PCDHA2: variants seen among roughly 807,000 people sequenced by gnomAD.
PCDHA2 encodes protocadherin alpha 2.
In PCDHA2, 58 loss-of-function variants were observed where a neutral mutation model predicts 66.0. The observed-to-expected ratio is 0.88, with a 90% CI of 0.71 to 1.09. The LOEUF is 1.09. PCDHA2 is among the 50% of genes least tolerant of loss of function. PCDHA2 has a pLI of 0.00. For missense variants in PCDHA2, 1,267 were observed against 1,242.3 expected (o/e 1.02, Z -0.30); for synonymous variants, 634 against 554.0 (o/e 1.14, Z -2.03).
chr5:140,807,140 G>C (rs1763848896), intron 1 of PCDHA2: 1 of 1,569,662 alleles, frequency 6.4e-7, no homozygotes. Context: ...GATTTCCCTT[G>C]ACTTTGAGAA....
At chr5:140,969,221 C>A (rs1222433541) in intron 1 of PCDHA2, 1 of 1,614,040 alleles carries the variant, frequency 6.2e-7, no homozygotes, top group African/African-American at 1.3e-5. Context: ...AGGACCAGGG[C>A]CTTCGGGAGC....
chr5:140,843,374 G>A (rs1778834369), intron 1 of PCDHA2: 1 of 1,596,014 alleles, frequency 6.3e-7, no homozygotes, highest in Non-Finnish European at 8.6e-7. Context: ...GCAGTCGGCT[G>A]GCGTTTTGGG....
intron 1 of PCDHA2, chr5:140,822,177 A>C: frequency 1.2e-6 from 2 of 1,614,280 alleles, no homozygotes; most frequent in Non-Finnish European, 1.7e-6. Flanking sequence ...GGTTCTCCAG[A>C]CAAGAACAAA....
At chr5:140,806,495 C>T (rs375920717) in intron 1 of PCDHA2, among the ~76,000 whole-genome samples, 1 of 152,288 alleles carries the variant, frequency 6.6e-6, no homozygotes, top group East Asian at 1.9e-4. Context: ...TGACATGACT[C>T]AAGGAAGACA....
At chr5:140,884,812 G>C in intron 1 of PCDHA2, 2 of 1,117,104 alleles carry the variant, frequency 1.8e-6, no homozygotes, top group Non-Finnish European at 2.5e-6. Flanking sequence ...ACTCTGCTGT[G>C]GACATTATGT....
intron 3 of PCDHA2, among the ~76,000 whole-genome samples, chr5:141,003,410 C>T (rs1282162216): frequency 1.3e-5 from 2 of 152,110 alleles, no homozygotes; most frequent in Non-Finnish European, 2.9e-5. Flanking sequence ...CTCCCGGGTT[C>T]GAGTGATTCT....
At chr5:140,804,528 T>A (rs1367585141) in intron 1 of PCDHA2, 1 of 152,180 alleles carries the variant, frequency 6.6e-6, no homozygotes, top group African/African-American at 2.4e-5. Context: ...CTAGCAAAAC[T>A]TTTTATTCAT....
In PCDHA2 at chr5:140,877,407, C is replaced by G. The variant is rs1554169686; in HGVS notation, c.2388+80055C>G. The G allele has an allele frequency of 1.2e-6, 2 of 1,613,824 alleles. No individual in the cohort carries two copies. The highest frequency in any genetic ancestry group is 2.7e-5 in the African/African-American group (2 of 74,928). On this transcript the variant is annotated intron_variant, in intron 1 of 3. Coordinates refer to ENST00000526136, the MANE Select transcript of PCDHA2 (RefSeq NM_018905.3). ...TGGATGAGGCGGACGCTCCGCGCCA[C>G]CGCCTGCTGGTGCTGGTGAAGGACC...
chr5:140,926,683 C>A, intron 1 of PCDHA2: 3 of 669,314 alleles, frequency 4.5e-6, no homozygotes, highest in Non-Finnish European at 6.7e-6. Context: ...AGCCTCCAGC[C>A]TAGCAAGCCC....
chr5:140,961,343 T>C (rs2095605708), intron 1 of PCDHA2, among the ~76,000 whole-genome samples: 1 of 152,210 alleles, frequency 6.6e-6, no homozygotes, highest in South Asian at 2.1e-4. Flanking sequence ...CAAGAGTGGA[T>C]CCCTGTAGTC....
At chr5:140,944,724 C>G (rs246064) in intron 1 of PCDHA2, among the ~76,000 whole-genome samples, 85,713 of 151,920 alleles carry the variant, frequency 0.56, 24,798 homozygotes, top group African/African-American at 0.69. Flanking sequence ...CTTTGAACAC[C>G]TTAGTAAGTC....
intron 1 of PCDHA2, chr5:140,882,766 G>T: frequency 1.2e-6 from 2 of 1,614,184 alleles, no homozygotes; most frequent in South Asian, 2.2e-5. Context: ...GAGTAAACTC[G>T]GCATTGACCT....
intron 1 of PCDHA2, chr5:140,801,053 G>A (rs1762630152): frequency 8.3e-6 from 12 of 1,443,786 alleles, no homozygotes; most frequent in Non-Finnish European, 1.1e-5. Context: ...AAATAACAGC[G>A]TGCATTACGT....
intron 1 of PCDHA2, chr5:140,969,039 A>G: frequency 6.2e-7 from 1 of 1,614,130 alleles, no homozygotes; most frequent in Non-Finnish European, 8.5e-7. Context: ...GAACTGTACA[A>G]ACAAGCCAAC....
chr5:140,822,637 G>A (rs2150118017), intron 1 of PCDHA2: 2 of 1,610,588 alleles, frequency 1.2e-6, no homozygotes, highest in Non-Finnish European at 1.7e-6. Flanking sequence ...TCTTGACGAT[G>A]TAAAGTCCAA....
At chr5:140,952,160 G>A (rs952147312) in intron 1 of PCDHA2, among the ~76,000 whole-genome samples, 1 of 152,044 alleles carries the variant, frequency 6.6e-6, no homozygotes, top group Non-Finnish European at 1.5e-5. Context: ...GGCTTTGTGG[G>A]GTTCAGTTCC....
Position 140,934,368 on chromosome 5 carries a change from CCTT to C in PCDHA2, c.2389-44578_2389-44576del, listed in dbSNP as rs1168343483. Among the ~76,000 whole-genome samples, 5 of 152,220 alleles carry C rather than the reference CCTT, an allele frequency of 3.3e-5. No homozygotes were observed. In the South Asian group the frequency reaches 1.0e-3, roughly 32 times the overall value. On this transcript the variant is annotated intron_variant, in intron 1 of 3. Transcript: ENST00000526136. ...ACAGTGTGGAGCCACTGCTTTGACT[CCTT>C]CTGTGGTTCTATGGTGGCCAGCTTT...
intron 1 of PCDHA2, chr5:140,809,161 G>A (rs782214418): frequency 2.5e-6 from 4 of 1,613,952 alleles, no homozygotes; most frequent in African/African-American, 1.3e-5. Flanking sequence ...GCGAGCCCGC[G>A]CTGACGGCCA....
At chr5:140,929,013 G>A in intron 1 of PCDHA2, 1 of 1,614,120 alleles carries the variant, frequency 6.2e-7, no homozygotes, top group South Asian at 1.1e-5. Context: ...GTACCAAGTT[G>A]CACCAGAGCC....
Sources: gnomAD v4.1 joint callset for allele counts (sites outside exome capture counted in the v4.1 genomes callset) on GRCh38, gnomAD v4.1.1 for gene constraint, MANE v1.5 for transcripts, NCBI Gene and HGNC (gene_info 2026-07-23, HGNC 2026-07-21) for gene names.